FRMD4A: variants seen among roughly 807,000 people sequenced by gnomAD.
FRMD4A encodes the protein FERM domain-containing protein 4A.
Under a neutral mutation model 129.1 loss-of-function variants are expected in FRMD4A, and 29 were observed. That is an observed-to-expected ratio of 0.22 (90% CI 0.17 to 0.31). The LOEUF is 0.31. Among genes scored for constraint, FRMD4A ranks in the 10% least tolerant of loss-of-function variants. FRMD4A has a pLI of 1.00. For synonymous variants in FRMD4A, 634 were observed against 571.6 expected, an observed-to-expected ratio of 1.11 and a Z score of -1.56; for missense variants, 1,272 against 1,375.8, an observed-to-expected ratio of 0.92 and a Z score of 1.19.
At chr10:13,965,623 T>A (rs1200153096) in intron 2 of FRMD4A, among the ~76,000 whole-genome samples, 1 of 152,204 alleles carries the variant, frequency 6.6e-6, no homozygotes, top group Non-Finnish European at 1.5e-5. Flanking sequence ...CTGCAATAGA[T>A]CATATAAAAA....
intron 12 of FRMD4A, among the ~76,000 whole-genome samples, chr10:13,734,110 C>A (rs941116490): frequency 2.0e-5 from 3 of 152,204 alleles, no homozygotes; most frequent in African/African-American, 7.2e-5. Flanking sequence ...TCTGGTGGAT[C>A]CTGAAGCCTG....
At chr10:14,253,718 A>T (rs1366172419) in intron 2 of FRMD4A, among the ~76,000 whole-genome samples, 2 of 152,168 alleles carry the variant, frequency 1.3e-5, no homozygotes, top group African/African-American at 2.4e-5. Flanking sequence ...AACATGGTCC[A>T]TTTGCTCTTC....
intron 2 of FRMD4A, among the ~76,000 whole-genome samples, chr10:14,247,510 A>T (rs1183023637): frequency 3.3e-5 from 5 of 151,200 alleles, no homozygotes; most frequent in African/African-American, 7.3e-5. Flanking sequence ...TCTCTCTCTC[A>T]CTCTCACTTT....
At chr10:13,768,583 C>T (rs59807675) in intron 6 of FRMD4A, among the ~76,000 whole-genome samples, 3,859 of 152,274 alleles carry the variant, frequency 0.025, 88 homozygotes, top group African/African-American at 0.053. Flanking sequence ...AGCCACCAAG[C>T]GTTTTCCTAA....
chr10:13,880,061 G>A (rs979142227), intron 2 of FRMD4A, among the ~76,000 whole-genome samples: 6 of 151,942 alleles, frequency 3.9e-5, no homozygotes, highest in East Asian at 3.9e-4. Context: ...TTTAAGCATC[G>A]TTTGTACATG....
At chr10:14,188,059 C>G (rs1241267321) in intron 2 of FRMD4A, among the ~76,000 whole-genome samples, 2 of 152,148 alleles carry the variant, frequency 1.3e-5, no homozygotes, top group Non-Finnish European at 2.9e-5. Flanking sequence ...CTCCTTTCCC[C>G]CAAAGGAGCT....
At chr10:13,868,041 C>T (rs184041101) in intron 2 of FRMD4A, among the ~76,000 whole-genome samples, 8 of 149,518 alleles carry the variant, frequency 5.4e-5, no homozygotes, top group African/African-American at 1.7e-4. Context: ...ATTGCTTGAG[C>T]CCAGGAGTTC....
At chr10:13,930,069 T>C (rs2095175989) in intron 2 of FRMD4A, among the ~76,000 whole-genome samples, 1 of 152,038 alleles carries the variant, frequency 6.6e-6, no homozygotes, top group African/African-American at 2.4e-5. Flanking sequence ...AGAAAAAAAA[T>C]ACATTTAATT....
At chr10:13,910,435 A>G (rs1439456674) in intron 2 of FRMD4A, among the ~76,000 whole-genome samples, 2 of 152,164 alleles carry the variant, frequency 1.3e-5, no homozygotes, top group Admixed American at 6.5e-5. Context: ...GGGAGAGGAG[A>G]ACTGCCTTGC....
intron 2 of FRMD4A, among the ~76,000 whole-genome samples, chr10:14,120,636 A>G (rs1838455536): frequency 1.3e-5 from 2 of 152,198 alleles, no homozygotes; most frequent in Admixed American, 1.3e-4. Context: ...CTTCCTGAGC[A>G]TGCATTTTCC....
At chr10:13,721,058 G>A (rs1321262965) in intron 12 of FRMD4A, among the ~76,000 whole-genome samples, 2 of 152,206 alleles carry the variant, frequency 1.3e-5, no homozygotes, top group African/African-American at 4.8e-5. Flanking sequence ...ATGAGTGGGT[G>A]CCTTGGGCTT....
chr10:14,172,982 T>C (rs1332847846), intron 2 of FRMD4A, among the ~76,000 whole-genome samples: 1 of 152,096 alleles, frequency 6.6e-6, no homozygotes, highest in Non-Finnish European at 1.5e-5. Context: ...AAGACCTACT[T>C]CTAACATTCT....
At chr10:14,055,567 G>T (rs1257887296) in intron 2 of FRMD4A, among the ~76,000 whole-genome samples, 3 of 151,990 alleles carry the variant, frequency 2.0e-5, no homozygotes, top group African/African-American at 7.3e-5. Flanking sequence ...TTCTCACAAG[G>T]ATTCTGAACA....
intron 2 of FRMD4A, among the ~76,000 whole-genome samples, chr10:14,000,646 C>CAAAAAAAAAAAAAAAAAAAAA (rs11377448): frequency 6.9e-5 from 3 of 43,478 alleles, no homozygotes; most frequent in African/African-American, 2.5e-4. Context: ...GACGCCACCT[C>CAAAAAAAAAAAAAAAAAAAAA]AAAAAAAAAA....
chr10:13,875,831 G>C (rs2094483612), intron 2 of FRMD4A, among the ~76,000 whole-genome samples: 2 of 152,166 alleles, frequency 1.3e-5, no homozygotes. Flanking sequence ...TGAGGCAAAA[G>C]GGAGGCTATT....
At chr10:14,127,161 AC>A (rs1344996341) in intron 2 of FRMD4A, among the ~76,000 whole-genome samples, 1 of 152,200 alleles carries the variant, frequency 6.6e-6, no homozygotes, top group Non-Finnish European at 1.5e-5. Flanking sequence ...GGGAAGTGTT[AC>A]CTGAACTGAA....
At chr10:13,711,122 G>C (rs1291829127) in intron 12 of FRMD4A, among the ~76,000 whole-genome samples, 2 of 152,226 alleles carry the variant, frequency 1.3e-5, no homozygotes, top group African/African-American at 4.8e-5. Flanking sequence ...GGGTGAGCTA[G>C]GGAGCAGGAA....
At chr10:14,185,100 C>G (rs191512598) in intron 2 of FRMD4A, among the ~76,000 whole-genome samples, 1 of 152,320 alleles carries the variant, frequency 6.6e-6, no homozygotes, top group Admixed American at 6.5e-5. Flanking sequence ...ATATGCTGAT[C>G]ATCTTTTGCC....
At chr10:14,129,229 A>G (rs1272424628) in intron 2 of FRMD4A, among the ~76,000 whole-genome samples, 2 of 151,664 alleles carry the variant, frequency 1.3e-5, no homozygotes, top group African/African-American at 4.9e-5. Flanking sequence ...TTATTACCGT[A>G]TATCTAGTTA....
Sources: allele counts gnomAD v4.1 joint callset (sites outside exome capture counted in the v4.1 genomes callset), GRCh38; gene constraint gnomAD v4.1.1; transcripts MANE v1.5; gene names NCBI Gene and HGNC (gene_info 2026-07-23, HGNC 2026-07-21).